The following BBOF1 variants were observed in gnomAD, a reference collection of about 807,000 sequenced individuals.
BBOF1 encodes the protein basal body-orientation factor 1.
BBOF1 carries 62 observed loss-of-function variants against 68.0 expected under a neutral mutation model. The observed-to-expected ratio is 0.91, with a 90% CI of 0.74 to 1.13. The LOEUF is 1.13. BBOF1 is among the 50% of genes most tolerant of loss of function. The pLI, the probability that BBOF1 is intolerant of heterozygous loss-of-function variation, is 0.00. For synonymous variants in BBOF1, 208 were observed against 198.8 expected (o/e 1.05, Z -0.39); for missense variants, 534 against 600.1 (o/e 0.89, Z 1.15).
intron 7 of BBOF1, 83 bp downstream of exon 7, chr14:74,048,157 T>G: frequency 7.4e-7 from 1 of 1,357,534 alleles, no homozygotes; most frequent in Non-Finnish European, 1.0e-6. Flanking sequence ...GGTATAATAA[T>G]GATATATAAG....
At chr14:74,077,850 T>C (rs972491055) in intron 9 of BBOF1, among the ~76,000 whole-genome samples, 1 of 152,248 alleles carries the variant, frequency 6.6e-6, no homozygotes, top group Non-Finnish European at 1.5e-5. Context: ...ATCTGTCTTG[T>C]TCACCTACTT....
At chr14:74,044,919 C>T (rs2059916609) in intron 5 of BBOF1, among the ~76,000 whole-genome samples, 1 of 152,074 alleles carries the variant, frequency 6.6e-6, no homozygotes, top group Non-Finnish European at 1.5e-5. Context: ...AGGGATACTC[C>T]CAGAGATGGG....
In BBOF1 at chr14:74,048,060, C is replaced by G. The variant is rs748787248; in HGVS notation, c.778C>G (p.Leu260Val). The change falls in exon 7 of 12, where the codon CTT (leucine) becomes GTT (valine). Residue 260 changes from leucine (L) to valine (V), a missense_variant. By Grantham distance (32) the Leu-to-Val change is conservative. Transcript: ENST00000394009. ...GAAGTTGCAAGAGAGTCATACTTTA[C>G]TTTTACATCAAAAGGTTCCCTCTCA... ...SQKLQESHTL[L>V]LHQKEINDLL... The G allele has an allele frequency of 6.2e-7, 1 of 1,609,796 alleles. No individual in the cohort carries two copies. The highest frequency in any genetic ancestry group is 1.3e-5 in the African/African-American group (1 of 74,682).
chr14:74,025,021 C>T (rs2059393860), intron 2 of BBOF1, among the ~76,000 whole-genome samples: 2 of 151,898 alleles, frequency 1.3e-5, no homozygotes, highest in African/African-American at 4.8e-5. Context: ...GCCCACCTCA[C>T]CCTCCCAAAG....
At chr14:74,051,987 G>C (rs2139638130) in intron 8 of BBOF1, among the ~76,000 whole-genome samples, 1 of 151,898 alleles carries the variant, frequency 6.6e-6, no homozygotes, top group African/African-American at 2.4e-5. Context: ...ATGCTCAGTA[G>C]TCTCTGATAG....
At chr14:74,023,994 G>A (rs1306932911) in intron 2 of BBOF1, among the ~76,000 whole-genome samples, 1 of 151,200 alleles carries the variant, frequency 6.6e-6, no homozygotes, top group Non-Finnish European at 1.5e-5. Context: ...CCACTACAAT[G>A]TACTATACTG....
At chr14:74,045,130 AT>A (rs1476068033) in intron 5 of BBOF1, among the ~76,000 whole-genome samples, 1 of 152,180 alleles carries the variant, frequency 6.6e-6, no homozygotes, top group African/African-American at 2.4e-5. Flanking sequence ...TACATGTAAC[AT>A]TCTTAGAACT....
At chr14:74,069,507 T>TGG (rs985087513), downstream of BBOF1, among the ~76,000 whole-genome samples, 3 of 151,900 alleles carry the variant, frequency 2.0e-5, no homozygotes, top group Admixed American at 6.6e-5. Context: ...TTCCAGCACT[T>TGG]TGGGAGGCCG....
intron 9 of BBOF1, among the ~76,000 whole-genome samples, chr14:74,077,791 C>T (rs1178445018): frequency 1.3e-5 from 2 of 152,156 alleles, no homozygotes; most frequent in African/African-American, 4.8e-5. Flanking sequence ...CACCTGGGTA[C>T]TTATCTGTTA....
intron 5 of BBOF1, among the ~76,000 whole-genome samples, chr14:74,044,475 C>CCT (rs2059903575): frequency 7.4e-6 from 1 of 135,308 alleles, no homozygotes; most frequent in South Asian, 2.4e-4. Flanking sequence ...AACCTCTTCT[C>CCT]TTTTTTTTTT....
chr14:74,069,101 CTTTTTTTT>C (rs900873855), downstream of BBOF1: 14 of 461,982 alleles, frequency 3.0e-5, no homozygotes, highest in African/African-American at 9.1e-5. Context: ...TTTACTTTTT[CTTTTTTTT>C]TTTTTTTTTT....
At position 74,056,916 on chromosome 14, in the gene BBOF1, C is replaced by A; in HGVS notation, c.1399C>A (p.Gln467Lys). ...TTTTACCCACTACAGGAAATACAAC[C>A]AGAGTTCTAGGCCTCCAGTTCCAGA... ...MNGCPSRKYN[Q>K]SSRPPVPDYV... Residue 467 changes from glutamine (Q) to lysine (K), a missense_variant, in exon 10 of 12, where the codon CAG (glutamine) becomes AAG (lysine). Gln to Lys is a moderately conservative substitution (Grantham distance 53, BLOSUM62 1). Coordinates refer to ENST00000394009, the MANE Select transcript of BBOF1 (RefSeq NM_025057.3). The A allele has an allele frequency of 1.2e-6, 2 of 1,612,850 alleles. No individual in the cohort carries two copies. Among genetic ancestry groups the A allele is most frequent in the South Asian group, 1.1e-5 (1 of 91,024 alleles).
intron 8 of BBOF1, among the ~76,000 whole-genome samples, chr14:74,052,459 AG>A (rs781281150): frequency 6.6e-5 from 10 of 151,340 alleles, no homozygotes; most frequent in Non-Finnish European, 1.2e-4. Context: ...AGCCTGGCCA[AG>A]TTGCTGAAAC....
Position 74,064,788 on chromosome 14 carries a change from A to C in BBOF1, c.*89A>C, listed in dbSNP as rs752863554. The C allele has an allele frequency of 6.2e-7, 1 of 1,612,798 alleles. No homozygotes were observed. Among genetic ancestry groups the C allele is most frequent in the Non-Finnish European group, 8.5e-7 (1 of 1,178,772 alleles). On this transcript the variant is annotated 3_prime_UTR_variant, in exon 12 of 12. Transcript: ENST00000394009. ...TGAATATCTTTAAGAAAATTTCTTAAAGGAAAAGACAAAAAATTTAACTCA... is the reference window on the plus strand; with the variant it reads ...TGAATATCTTTAAGAAAATTTCTTACAGGAAAAGACAAAAAATTTAACTCA...
intron 2 of BBOF1, among the ~76,000 whole-genome samples, chr14:74,028,711 ATT>A (rs879793491): frequency 9.8e-5 from 13 of 133,274 alleles, no homozygotes; most frequent in Admixed American, 1.5e-4. Context: ...CTCCATCTCT[ATT>A]TTTTTTTTTT....
chr14:74,048,302 C>A, intron 7 of BBOF1: 1 of 400,178 alleles, frequency 2.5e-6, no homozygotes, highest in Non-Finnish European at 4.4e-6. Flanking sequence ...TAAATATGAC[C>A]CTTATCCTCT....
At chr14:74,060,719 T>A (rs764727338) in intron 11 of BBOF1, 1 of 1,613,440 alleles carries the variant, frequency 6.2e-7, no homozygotes. Flanking sequence ...GAAGTAATGG[T>A]CTTTAACTGA....
At chr14:74,048,174 G>T in intron 7 of BBOF1, 100 bp downstream of exon 7, 1 of 1,135,404 alleles carries the variant, frequency 8.8e-7, no homozygotes, top group Non-Finnish European at 1.2e-6. Context: ...TAAGGACAAT[G>T]AGACCATTTT....
intron 10 of BBOF1, among the ~76,000 whole-genome samples, chr14:74,080,743 TACTCTTAA>T (rs1450818109): frequency 6.6e-6 from 1 of 152,212 alleles, no homozygotes; most frequent in East Asian, 1.9e-4. Flanking sequence ...ACACCCAGCC[TACTCTTAA>T]ACTTTCTGAA....
Sources: allele counts gnomAD v4.1 joint callset (sites outside exome capture counted in the v4.1 genomes callset), GRCh38; gene constraint gnomAD v4.1.1; transcripts MANE v1.5; gene names NCBI Gene and HGNC (gene_info 2026-07-23, HGNC 2026-07-21).